Variants in PPIP5K1 observed in about 807,000 individuals in gnomAD.
PPIP5K1 encodes diphosphoinositol pentakisphosphate kinase 1.
Under a neutral mutation model 27.7 loss-of-function variants are expected in PPIP5K1, and 6 were observed. The observed-to-expected ratio is 0.22, with a 90% CI of 0.12 to 0.43. PPIP5K1 has a LOEUF of 0.43. Ranked by LOEUF, PPIP5K1 falls within the 20% of genes least tolerant of loss-of-function variation. The probability of loss-of-function intolerance (pLI) is 1.00; values close to 1 mark genes in which losing one functional copy is unlikely to be tolerated. For missense variants in PPIP5K1, 394 were observed against 635.4 expected (o/e 0.62, Z 4.08); for synonymous variants, 145 against 242.6 (o/e 0.60, Z 3.74).
chr15:43,537,644 G>A (rs1482725301), intron 31 of PPIP5K1, among the ~76,000 whole-genome samples: 5 of 137,956 alleles, frequency 3.6e-5, no homozygotes, highest in Non-Finnish European at 4.5e-5. Flanking sequence ...AGCCGAGATC[G>A]CGCCACTGTA....
intron 30 of PPIP5K1, among the ~76,000 whole-genome samples, chr15:43,549,027 C>CAAAAAAAAA (rs1160828750): frequency 3.5e-5 from 1 of 28,690 alleles, no homozygotes. Context: ...GACTCCATCT[C>CAAAAAAAAA]AAAAAAAAAA....
Position 43,535,081 on chromosome 15 carries a change from T to G in PPIP5K1, c.4066A>C (p.Thr1356Pro). The change falls in exon 32 of 32, where the codon ACA becomes CCA. Residue 1356 changes from threonine to proline, a missense_variant. Thr to Pro is a conservative substitution (Grantham distance 38). Around this residue, in one of 4 missense-constraint regions of PPIP5K1, gnomAD observed 379 missense variants for 423.9 expected, o/e 0.89. Coordinates refer to ENST00000420765, the MANE Select transcript of PPIP5K1 (RefSeq NM_001394395.1). ...CQENHDNGNH[T>P]CQEVPHISQP... ...CTGATGTGAGGGACCTCCTGGCATG[T>G]GTGGTTACCATTGTCATGGTTCTCC... is the stretch of plus-strand genomic sequence containing the variant. The G allele has an allele frequency of 1.2e-6, 2 of 1,613,438 alleles. No individual in the cohort carries two copies. The highest frequency in any genetic ancestry group is 1.7e-6 in the Non-Finnish European group (2 of 1,179,858).
chr15:43,536,230 C>T, intron 31 of PPIP5K1: 1 of 449,812 alleles, frequency 2.2e-6, no homozygotes, highest in Non-Finnish European at 3.8e-6. Flanking sequence ...ACCAGCCTGG[C>T]CAACATGGCA....
intron 30 of PPIP5K1, among the ~76,000 whole-genome samples, chr15:43,548,959 C>T (rs1175554025): frequency 3.0e-5 from 4 of 132,624 alleles, no homozygotes; most frequent in African/African-American, 5.5e-5. Context: ...ACCTGGAAGG[C>T]GGAGGTTCCA....
At chr15:43,549,058 T>TATATATATATATATAC (rs1595781360) in intron 30 of PPIP5K1, among the ~76,000 whole-genome samples, 1 of 36,852 alleles carries the variant, frequency 2.7e-5, no homozygotes, top group South Asian at 8.9e-4. Flanking sequence ...AAAAAAAAAA[T>TATATATATATATATAC]ATATATATAT....
Position 43,535,048 on chromosome 15 carries a change from A to T in PPIP5K1, c.4099T>A (p.Cys1367Ser). Residue 1367 changes from cysteine to serine, a missense_variant, in exon 32 of 32, where the codon TGC becomes AGC. Physicochemically the swap from Cys to Ser is moderately radical, Grantham distance 112. Transcript: ENST00000420765. ...TGGCACAGTTGGCTGGACTTCTGGCATGGCTGGCTGATGTGAGGGACCTCC... is the reference window on the plus strand; with the variant it reads ...TGGCACAGTTGGCTGGACTTCTGGCTTGGCTGGCTGATGTGAGGGACCTCC... ...CQEVPHISQP[C>S]QKSSQLCQKV... 3 of 1,613,320 alleles carry T rather than the reference A, an allele frequency of 1.9e-6. No homozygotes were observed. The highest frequency in any genetic ancestry group is 1.7e-6 in the Non-Finnish European group (2 of 1,179,826).
chr15:43,537,641 A>G (rs1329478732), intron 31 of PPIP5K1, among the ~76,000 whole-genome samples: 1 of 142,206 alleles, frequency 7.0e-6, no homozygotes, highest in Non-Finnish European at 1.5e-5. Context: ...GTGAGCCGAG[A>G]TCGCGCCACT....
chr15:43,580,930 A>C, intron 10 of PPIP5K1, 72 bp downstream of exon 10: 1 of 573,412 alleles, frequency 1.7e-6, no homozygotes, highest in Non-Finnish European at 2.8e-6. Flanking sequence ...GTGATATTTA[A>C]AATAAAGCAA....
At chr15:43,552,581 G>A (rs1161707045) in intron 30 of PPIP5K1, among the ~76,000 whole-genome samples, 1 of 150,348 alleles carries the variant, frequency 6.7e-6, no homozygotes, top group Admixed American at 6.6e-5. Flanking sequence ...TTAGCTGGGT[G>A]TGGTGGTGTG....
chr15:43,544,148 C>T (rs185314310), intron 30 of PPIP5K1, among the ~76,000 whole-genome samples: 1 of 152,184 alleles, frequency 6.6e-6, no homozygotes, highest in Non-Finnish European at 1.5e-5. Context: ...GCCCTTCAGC[C>T]CCATTCCCTA....
chr15:43,535,437 G>A lies in PPIP5K1; in HGVS notation c.3710C>T (p.Pro1237Leu), dbSNP rs2079709527. ...GPSSTVSSAG[P>L]SSPTTVDGNS... is the part of the protein sequence containing the mutation. ...ACCATCTACTGTAGTAGGGGAAGAA[G>A]GACCAGCACTGGACACAGTGCTAGA... Residue 1237 changes from proline (P) to leucine (L), a missense_variant, in exon 32 of 32, where the codon CCT becomes CTT. Transcript: ENST00000420765. The A allele has an allele frequency of 6.2e-7, 1 of 1,608,762 alleles. No homozygotes were observed. Among genetic ancestry groups the A allele is most frequent in the Non-Finnish European group, 8.5e-7 (1 of 1,177,488 alleles).
intron 30 of PPIP5K1, among the ~76,000 whole-genome samples, chr15:43,552,125 A>G (rs533919236): frequency 1.3e-4 from 20 of 152,038 alleles, no homozygotes; most frequent in Non-Finnish European, 2.5e-4. Context: ...GGCTAATTTT[A>G]AAGTTTTTCT....
At chr15:43,565,266 G>A (rs1453388184) in intron 26 of PPIP5K1, among the ~76,000 whole-genome samples, 4 of 17,570 alleles carry the variant, frequency 2.3e-4, no homozygotes, top group African/African-American at 1.3e-3. Context: ...TACTGGAAGG[G>A]ATAGACTGTG....
At chr15:43,566,828 GC>G (rs1207926133) in intron 26 of PPIP5K1, among the ~76,000 whole-genome samples, 1 of 10,010 alleles carries the variant, frequency 1.0e-4, no homozygotes, top group African/African-American at 1.6e-3. Context: ...ACCACCCCAA[GC>G]TTTGTCCTAC....
rs1314726819 is a variant in PPIP5K1 at position 43,535,350 on chromosome 15, T to A, written c.3797A>T (p.Gln1266Leu). 1 of 1,614,110 alleles carries A rather than the reference T, an allele frequency of 6.2e-7. No homozygotes were observed. The highest frequency in any genetic ancestry group is 1.7e-5 in the Admixed American group (1 of 60,010). The change falls in exon 32 of 32, where the codon CAA becomes CTA. Residue 1266 changes from glutamine to leucine, a missense_variant. This residue lies in a region of PPIP5K1 where 379 missense variants were observed against 423.9 expected (regional missense o/e 0.89). Transcript: ENST00000420765. ...SLNSHVAEEH[Q>L]GLGLLQETPG... ...GGTCTCCTGGAGCAGCCCAAGGCCTTGATGTTCTTCAGCCACGTGTGAATT... is the reference window on the plus strand; with the variant it reads ...GGTCTCCTGGAGCAGCCCAAGGCCTAGATGTTCTTCAGCCACGTGTGAATT...
In PPIP5K1 at chr15:43,535,036, T is replaced by G; in HGVS notation, c.4111A>C (p.Ser1371Arg). The change falls in exon 32 of 32, where the codon AGC becomes CGC. Residue 1371 changes from serine to arginine, a missense_variant. This residue lies in a region of PPIP5K1 where 379 missense variants were observed against 423.9 expected (regional missense o/e 0.89). Coordinates refer to ENST00000420765, the MANE Select transcript of PPIP5K1 (RefSeq NM_001394395.1). ...TCAGAGACTTTCTGGCACAGTTGGC[T>G]GGACTTCTGGCATGGCTGGCTGATG... is the stretch of plus-strand genomic sequence containing the variant. ...PHISQPCQKS[S>R]QLCQKVSEEV... 6.2e-7 allele frequency: 1 copy of G among 1,613,582 alleles called. No individual in the cohort carries two copies. Among genetic ancestry groups the G allele is most frequent in the Non-Finnish European group, 8.5e-7 (1 of 1,179,854 alleles).
intron 26 of PPIP5K1, among the ~76,000 whole-genome samples, chr15:43,565,630 GCCT>G (rs1346128081): frequency 3.8e-5 from 5 of 130,064 alleles, no homozygotes; most frequent in South Asian, 2.7e-4. Flanking sequence ...GCTCACTGCA[GCCT>G]TGGTCTCCCA....
At chr15:43,541,180 C>T (rs889479758) in intron 30 of PPIP5K1, among the ~76,000 whole-genome samples, 1 of 152,078 alleles carries the variant, frequency 6.6e-6, no homozygotes, top group Admixed American at 6.6e-5. Flanking sequence ...GTGGTGTGAT[C>T]ACAGCTCACT....
intron 30 of PPIP5K1, 25 bp from the exon 31 acceptor site, chr15:43,539,608 A>G: frequency 7.0e-7 from 1 of 1,432,362 alleles, no homozygotes; most frequent in Non-Finnish European, 9.7e-7. Flanking sequence ...GGGTGAAGGG[A>G]GAGGGAAGAA....
Sources: gnomAD v4.1 joint callset for allele counts (sites outside exome capture counted in the v4.1 genomes callset) on GRCh38, gnomAD v4.1.1 for gene constraint, gnomAD v4.1.1 regional missense constraint, MANE v1.5 for transcripts, NCBI Gene and HGNC (gene_info 2026-07-23, HGNC 2026-07-21) for gene names.